Variants in UNC5D observed in about 807,000 individuals in gnomAD.
UNC5D encodes netrin receptor UNC5D.
A neutral mutation model predicts 105.4 loss-of-function variants in UNC5D; 39 were observed. The observed-to-expected ratio is 0.37, with a 90% CI of 0.29 to 0.48. The LOEUF is 0.48. Among genes scored for constraint, UNC5D ranks in the 20% least tolerant of loss-of-function variants. UNC5D has a pLI of 0.98. For missense variants in UNC5D, 991 were observed against 1,202.4 expected, an observed-to-expected ratio of 0.82 and a Z score of 2.60; for synonymous variants, 452 against 450.4, an observed-to-expected ratio of 1.00 and a Z score of -0.04.
intron 1 of UNC5D, among the ~76,000 whole-genome samples, chr8:35,241,677 T>G (rs979406085): frequency 6.6e-6 from 1 of 152,204 alleles, no homozygotes; most frequent in East Asian, 1.9e-4. Flanking sequence ...TATTTTTTAT[T>G]TTTAAATTTT....
At chr8:35,375,130 G>A (rs1276132723) in intron 1 of UNC5D, among the ~76,000 whole-genome samples, 2 of 152,288 alleles carry the variant, frequency 1.3e-5, no homozygotes, top group East Asian at 3.9e-4. Flanking sequence ...AATATTTTAA[G>A]TACAATCCAG....
intron 1 of UNC5D, among the ~76,000 whole-genome samples, chr8:35,270,764 C>G (rs1197313823): frequency 6.6e-6 from 1 of 152,214 alleles, no homozygotes; most frequent in South Asian, 2.1e-4. Flanking sequence ...CTAGCAGATA[C>G]CTGCATCATG....
At chr8:35,536,364 A>G (rs1343604654) in intron 1 of UNC5D, among the ~76,000 whole-genome samples, 1 of 152,246 alleles carries the variant, frequency 6.6e-6, no homozygotes, top group Non-Finnish European at 1.5e-5. Context: ...AGGATTTCAT[A>G]TAAGCATCAA....
chr8:35,357,167 C>T (rs1243672063), intron 1 of UNC5D, among the ~76,000 whole-genome samples: 4 of 152,096 alleles, frequency 2.6e-5, no homozygotes, highest in African/African-American at 9.7e-5. Context: ...TGCACTGCAT[C>T]TGAAAGGATC....
intron 8 of UNC5D, among the ~76,000 whole-genome samples, chr8:35,706,543 G>A (rs1402106839): frequency 1.3e-5 from 2 of 152,276 alleles, no homozygotes; most frequent in South Asian, 2.1e-4. Context: ...ATGGCTAGCA[G>A]TATGGCATTT....
Position 35,239,810 on chromosome 8 carries a change from C to T in UNC5D, c.103+3923C>T, listed in dbSNP as rs1277052243. Among the ~76,000 whole-genome samples the T allele has an allele frequency of 3.3e-5, 5 of 152,116 alleles. No homozygotes were observed. The South Asian group carries it at 6.2e-4, about 19-fold the overall frequency. ...GCTCAACAGAATAGATCAATGGAAA[C>T]GTTCCCTATTTCTATTTCATTCTTA... On this transcript the variant is annotated intron_variant, in intron 1 of 16. Transcript: ENST00000404895.
intron 1 of UNC5D, among the ~76,000 whole-genome samples, chr8:35,393,095 T>C (rs1437452806): frequency 6.7e-6 from 1 of 150,040 alleles, no homozygotes; most frequent in Admixed American, 6.7e-5. Flanking sequence ...ATCATGCAAA[T>C]GTAACTAAAT....
At chr8:35,283,306 T>C (rs1162025027) in intron 1 of UNC5D, among the ~76,000 whole-genome samples, 2 of 152,216 alleles carry the variant, frequency 1.3e-5, no homozygotes, top group African/African-American at 2.4e-5. Context: ...CACGGTCAAG[T>C]CTGTGCCTGC....
chr8:35,358,193 C>T (rs574288279), intron 1 of UNC5D, among the ~76,000 whole-genome samples: 3 of 152,160 alleles, frequency 2.0e-5, no homozygotes, highest in Non-Finnish European at 4.4e-5. Flanking sequence ...AAGATACATA[C>T]ATGCGTATGT....
At chr8:35,461,044 G>A (rs1395893438) in intron 1 of UNC5D, among the ~76,000 whole-genome samples, 1 of 152,198 alleles carries the variant, frequency 6.6e-6, no homozygotes, top group Non-Finnish European at 1.5e-5. Flanking sequence ...TTGTTCTAGG[G>A]ATTGTTGTAC....
intron 1 of UNC5D, among the ~76,000 whole-genome samples, chr8:35,459,256 A>C (rs1034421301): frequency 1.3e-5 from 2 of 152,124 alleles, no homozygotes; most frequent in Admixed American, 6.6e-5. Flanking sequence ...TTTTGCATTT[A>C]CTCATTTGGG....
At chr8:35,544,535 G>A in intron 1 of UNC5D, 4 of 1,611,350 alleles carry the variant, frequency 2.5e-6, no homozygotes, top group Non-Finnish European at 3.4e-6. Context: ...AACTTCACCA[G>A]GTAAGGCAGG....
intron 4 of UNC5D, among the ~76,000 whole-genome samples, chr8:35,655,761 G>C (rs1000140311): frequency 3.3e-5 from 5 of 152,254 alleles, no homozygotes; most frequent in Non-Finnish European, 5.9e-5. Flanking sequence ...AAGAAGGGCA[G>C]TCCTTTCAGA....
chr8:35,507,514 A>C (rs886313898), intron 1 of UNC5D, among the ~76,000 whole-genome samples: 2 of 152,022 alleles, frequency 1.3e-5, no homozygotes, highest in African/African-American at 4.8e-5. Flanking sequence ...TGGATAGAGA[A>C]ATTTTCGTGG....
At chr8:35,739,859 C>T (rs1163067531) in intron 11 of UNC5D, among the ~76,000 whole-genome samples, 2 of 152,168 alleles carry the variant, frequency 1.3e-5, no homozygotes, top group African/African-American at 4.8e-5. Context: ...GAGACAGCTC[C>T]CACGTTTTCT....
intron 7 of UNC5D, among the ~76,000 whole-genome samples, chr8:35,695,898 C>A (rs371725151): frequency 3.5e-4 from 53 of 152,022 alleles, no homozygotes; most frequent in African/African-American, 1.2e-3. Context: ...CCATGCCTGG[C>A]TAATGTTTGT....
chr8:35,691,130 T>C (rs1320140244), intron 7 of UNC5D, among the ~76,000 whole-genome samples: 3 of 152,206 alleles, frequency 2.0e-5, no homozygotes, highest in African/African-American at 7.2e-5. Context: ...CAGTTGTGAC[T>C]AGAACACAGA....
At chr8:35,577,857 A>T (rs918433074) in intron 3 of UNC5D, among the ~76,000 whole-genome samples, 3 of 152,214 alleles carry the variant, frequency 2.0e-5, no homozygotes, top group African/African-American at 7.2e-5. Context: ...AAATGGGTCA[A>T]ATCAACAGCA....
chr8:35,782,582 C>A (rs1490338363), intron 16 of UNC5D, among the ~76,000 whole-genome samples: 2 of 151,036 alleles, frequency 1.3e-5, no homozygotes, highest in Non-Finnish European at 2.9e-5. Context: ...AGGCTCACTG[C>A]AACCTCCACC....
Sources: allele counts gnomAD v4.1 joint callset (sites outside exome capture counted in the v4.1 genomes callset), GRCh38; gene constraint gnomAD v4.1.1; transcripts MANE v1.5; gene names NCBI Gene and HGNC (gene_info 2026-07-23, HGNC 2026-07-21).